SKOR2: variants seen among roughly 807,000 people sequenced by gnomAD.
The protein encoded by SKOR2 is SKI family transcriptional corepressor 2.
SKOR2 carries 47 observed loss-of-function variants against 69.1 expected under a neutral mutation model. The observed-to-expected ratio is 0.68, with a 90% CI of 0.54 to 0.87. SKOR2 has a LOEUF of 0.87. Ranked by LOEUF, SKOR2 falls within the 40% of genes least tolerant of loss-of-function variation. The pLI is 0.00. For missense variants in SKOR2, 1,404 were observed against 1,472.2 expected, an observed-to-expected ratio of 0.95 and a Z score of 0.76; for synonymous variants, 717 against 672.6, an observed-to-expected ratio of 1.07 and a Z score of -1.02.
chr18:47,241,088 TCTC>T (rs1020467957), intron 4 of SKOR2, among the ~76,000 whole-genome samples: 1 of 152,236 alleles, frequency 6.6e-6, no homozygotes, highest in African/African-American at 2.4e-5. Flanking sequence ...AGGTAATCTG[TCTC>T]CTCCTCTTGA....
Position 47,248,922 on chromosome 18 carries a change from C to T in SKOR2, c.262G>A (p.Gly88Ser). 1.9e-6 allele frequency: 3 copies of T among 1,574,306 alleles called. No individual in the cohort carries two copies. The highest frequency in any genetic ancestry group is 2.6e-6 in the Non-Finnish European group (3 of 1,167,558). The change falls in exon 2 of 9, where the codon GGC becomes AGC. Residue 88 changes from glycine to serine, a missense_variant. By Grantham distance (56) the Gly-to-Ser change is moderately conservative. This residue lies in a region of SKOR2 where 34 missense variants were observed against 66.6 expected (regional missense o/e 0.51). Transcript: ENST00000425639. The surrounding 1 kb of genome is among the most constrained non-coding windows in gnomAD (Gnocchi z 6.4). ...GGCGTGCACTGCACACACGTGATGC[C>T]CAGTGCCACGCGACGGTTGTGGATC... ...NEIHNRRVAL[G>S]ITCVQCTPVQ...
At chr18:47,214,502 T>A (rs1393992738) in intron 7 of SKOR2, among the ~76,000 whole-genome samples, 1 of 152,034 alleles carries the variant, frequency 6.6e-6, no homozygotes, top group Non-Finnish European at 1.5e-5. Context: ...CAAAAAGTAA[T>A]GAGCTGAGAA....
intron 8 of SKOR2, among the ~76,000 whole-genome samples, chr18:47,207,668 ACCACT>A (rs937454881): frequency 1.3e-5 from 2 of 152,208 alleles, no homozygotes; most frequent in African/African-American, 4.8e-5. Flanking sequence ...AAATGAATGT[ACCACT>A]CCCCCTCTTT....
At position 47,245,495 on chromosome 18, in the gene SKOR2, T is replaced by TTTTTTTTTTTTTTTTAA; in HGVS notation, c.2677+2_2677+3insTTAAAAAAAAAAAAAAA. The stretch of plus-strand genomic sequence containing the variant: ...GGCAGCTGATTTTTTTTTTTTTTTT[T>TTTTTTTTTTTTTTTTAA]ACCTGAAAAGCTGTTGTCATCCTTT... On this transcript the variant is annotated splice_region_variant and intron_variant, in intron 3 of 8. Transcript: ENST00000425639. 4.8e-6 allele frequency: 7 copies of TTTTTTTTTTTTTTTTAA among 1,470,326 alleles called. No homozygotes were observed. The highest frequency in any genetic ancestry group is 1.5e-5 in the African/African-American group (1 of 67,658). The allele number at this position is 1,470,326 out of a possible 1,614,324, so 91.1% of individuals were successfully genotyped here. A position where few individuals can be genotyped will look rare whatever the true frequency, so the allele number is the denominator to read the frequency against.
At position 47,235,780 on chromosome 18, in the gene SKOR2, C is replaced by CAAAA. The variant is rs11433396; in HGVS notation, c.2753-4784_2753-4781dup. Reference sequence around the variant, plus strand: ...GGACTATATGAACAACACAAACAAGCAAAAAAAAAAAAAAAAAAAAACAGC... The same window carrying CAAAA: ...GGACTATATGAACAACACAAACAAGCAAAAAAAAAAAAAAAAAAAAAAAAACAGC... On this transcript the variant is annotated intron_variant, in intron 4 of 8. Coordinates refer to ENST00000425639, the MANE Select transcript of SKOR2 (RefSeq NM_001278063.4). Among the ~76,000 whole-genome samples the CAAAA allele has an allele frequency of 4.1e-3, 244 of 58,830 alleles. 1 individual carries two copies. The highest frequency in any genetic ancestry group is 5.8e-3 in the Non-Finnish European group (157 of 27,082). 38.6% of individuals were successfully genotyped at this position (58,830 alleles called of 152,430 possible).
In SKOR2 at chr18:47,246,636, C is replaced by T; in HGVS notation, c.2548G>A (p.Gly850Ser). 1 of 1,519,318 alleles carries T rather than the reference C, an allele frequency of 6.6e-7. No individual in the cohort carries two copies. The highest frequency in any genetic ancestry group is 8.8e-7 in the Non-Finnish European group (1 of 1,140,334). The allele number at this position is 1,519,318 out of a possible 1,614,324, so 94.1% of individuals were successfully genotyped here. The change falls in exon 2 of 9, where the codon GGC becomes AGC. Residue 850 changes from glycine (G) to serine (S), a missense_variant. Gly to Ser is a moderately conservative substitution (Grantham distance 56). Around this residue, in one of 3 missense-constraint regions of SKOR2, gnomAD observed 1,266 missense variants for 1,309.9 expected, o/e 0.97. Transcript: ENST00000425639. ...ACTGGGCTGCCCGGGCTGCTGCTGCCGCCGCCACTCGCCTTCTGGGGGGCC... is the reference window on the plus strand; with the variant it reads ...ACTGGGCTGCCCGGGCTGCTGCTGCTGCCGCCACTCGCCTTCTGGGGGGCC... The part of the protein sequence containing the change: ...PLAPQKASGG[G>S]SSSPGSPVHH...
Position 47,248,297 on chromosome 18 carries a change from G to A in SKOR2, c.887C>T (p.Ala296Val). 8.3e-7 allele frequency: 1 copy of A among 1,209,778 alleles called. No homozygotes were observed. Among genetic ancestry groups the A allele is most frequent in the Non-Finnish European group, 1.0e-6 (1 of 976,334 alleles). The allele number at this position is 1,209,778 out of a possible 1,614,324, so 74.9% of individuals were successfully genotyped here. A position where few individuals can be genotyped will look rare whatever the true frequency, so the allele number is the denominator to read the frequency against. Residue 296 changes from alanine (A) to valine (V), a missense_variant, in exon 2 of 9, where the codon GCA becomes GTA. Around this residue, in one of 3 missense-constraint regions of SKOR2, gnomAD observed 1,266 missense variants for 1,309.9 expected, o/e 0.97. Coordinates refer to ENST00000425639, the MANE Select transcript of SKOR2 (RefSeq NM_001278063.4). This position sits in a 1 kb window ranked among gnomAD's most constrained non-coding sequence, Gnocchi z 6.4. ...PPPPPPPPPL[A>V]ELAGAPHAHH... ...GGCGTGCGGGGCACCAGCCAGCTCT[G>A]CCAAGGGCGGCGGTGGCGGCGGCGG...
chr18:47,212,166 C>T lies in SKOR2; in HGVS notation c.2986-15G>A. On this transcript the variant is annotated splice_polypyrimidine_tract_variant and intron_variant, in intron 7 of 8. Transcript: ENST00000425639. Reference sequence around the variant, plus strand: ...GCATAGGGGATCTGTAAGACAAAAACAAGCAACACCATCCAGGTAAGCTAG... The same window carrying T: ...GCATAGGGGATCTGTAAGACAAAAATAAGCAACACCATCCAGGTAAGCTAG... 4 of 1,231,854 alleles carry T rather than the reference C, an allele frequency of 3.2e-6. No homozygotes were observed. The highest frequency in any genetic ancestry group is 4.2e-5 in the Admixed American group (1 of 23,702). The allele number at this position is 1,231,854 out of a possible 1,614,324, so 76.3% of individuals were successfully genotyped here.
intron 4 of SKOR2, among the ~76,000 whole-genome samples, chr18:47,238,727 G>A (rs1043832191): frequency 2.6e-5 from 4 of 152,240 alleles, no homozygotes; most frequent in Non-Finnish European, 5.9e-5. Flanking sequence ...TCGGTCAAGT[G>A]TCCAGATGTT....
In SKOR2 at chr18:47,248,329, G is replaced by A. The variant is rs1450586667; in HGVS notation, c.855C>T (p.Pro285=). 8.3e-7 allele frequency: 1 copy of A among 1,200,704 alleles called. No homozygotes were observed. The highest frequency in any genetic ancestry group is 1.0e-6 in the Non-Finnish European group (1 of 970,380). 74.4% of individuals were successfully genotyped at this position (1,200,704 alleles called of 1,614,324 possible). The change falls in exon 2 of 9, where the codon CCC becomes CCT. Residue 285 remains proline, a synonymous_variant. Transcript: ENST00000425639. This position sits in a 1 kb window ranked among gnomAD's most constrained non-coding sequence, Gnocchi z 6.4. ...GLLGPHLLGA[P]PPPPPPPPPL... Reference sequence around the variant, plus strand: ...GCGGCGGTGGCGGCGGCGGCGGCGGGGGCGCACCCAGCAGGTGGGGGCCCA... The same window carrying A: ...GCGGCGGTGGCGGCGGCGGCGGCGGAGGCGCACCCAGCAGGTGGGGGCCCA...
intron 7 of SKOR2, among the ~76,000 whole-genome samples, chr18:47,213,407 TTA>T (rs879764245): frequency 1.4e-5 from 2 of 147,458 alleles, no homozygotes; most frequent in Non-Finnish European, 1.5e-5. Context: ...CATATAAATA[TTA>T]TATATATATA....
At chr18:47,242,276 T>G (rs2064252583) in intron 4 of SKOR2, among the ~76,000 whole-genome samples, 1 of 152,142 alleles carries the variant, frequency 6.6e-6, no homozygotes, top group Non-Finnish European at 1.5e-5. Context: ...AGACTATTAA[T>G]ATACATGAAA....
chr18:47,246,933 G>T lies in SKOR2; in HGVS notation c.2251C>A (p.Pro751Thr). The stretch of plus-strand genomic sequence containing the variant: ...TCCTCCTCTTCCTCGCCCTCGGGGG[G>T]CTTGTGGCCCTCCACGTCCACCTCC... ...EQEVDVEGHK[P>T]PEGEEEEEGR... is the part of the protein sequence containing the mutation. The change falls in exon 2 of 9, where the codon CCC becomes ACC. Residue 751 changes from proline (P) to threonine (T), a missense_variant. Pro to Thr is a conservative substitution (Grantham distance 38). Around this residue, in one of 3 missense-constraint regions of SKOR2, gnomAD observed 1,266 missense variants for 1,309.9 expected, o/e 0.97. Transcript: ENST00000425639. 1.3e-6 allele frequency: 2 copies of T among 1,496,864 alleles called. No individual in the cohort carries two copies. The highest frequency in any genetic ancestry group is 1.8e-6 in the Non-Finnish European group (2 of 1,129,420). 92.7% of individuals were successfully genotyped at this position (1,496,864 alleles called of 1,614,324 possible).
rs546847291 is a variant in SKOR2, at chr18:47,234,587, G to A, written c.2753-3587C>T. On this transcript the variant is annotated intron_variant, in intron 4 of 8. Coordinates refer to ENST00000425639, the MANE Select transcript of SKOR2 (RefSeq NM_001278063.4). ...TGAAAAAGGGGTTGGTGAGCCAGAT[G>A]TGGTGGCTCATGTGTATAATCCCAG... 6 of 152,322 alleles carry A rather than the reference G, an allele frequency of 3.9e-5. No homozygotes were observed. In the East Asian group the frequency reaches 7.7e-4, roughly 20 times the overall value. 9.4% of individuals were successfully genotyped at this position (152,322 alleles called of 1,614,324 possible).
intron 1 of SKOR2, among the ~76,000 whole-genome samples, chr18:47,251,080 C>T (rs991536375): frequency 8.4e-5 from 12 of 142,268 alleles, no homozygotes; most frequent in Non-Finnish European, 1.7e-4. Context: ...CAGAAACTGC[C>T]GTCAGAGCAG....
In SKOR2 at chr18:47,247,625, G is replaced by A; in HGVS notation, c.1559C>T (p.Ala520Val). The A allele has an allele frequency of 1.5e-6, 2 of 1,329,430 alleles. No individual in the cohort carries two copies. The highest frequency in any genetic ancestry group is 1.9e-6 in the Non-Finnish European group (2 of 1,043,230). 82.4% of individuals were successfully genotyped at this position (1,329,430 alleles called of 1,614,324 possible). The change falls in exon 2 of 9, where the codon GCT (alanine) becomes GTT (valine). Residue 520 changes from alanine (A) to valine (V), a missense_variant. By Grantham distance (64) the Ala-to-Val change is moderately conservative. Transcript: ENST00000425639. This position sits in a 1 kb window ranked among gnomAD's most constrained non-coding sequence, Gnocchi z 6.6. ...CGGGGGCGCGGCCTCGGCGCTCCCA[G>A]CAGCACCGCCTGGCTCAGCCAGGTC... Reference protein sequence around the residue: ...FLDLAEPGGAAGSAEAAPPPG... With the variant: ...FLDLAEPGGAVGSAEAAPPPG...
At chr18:47,236,243 G>A (rs1213205210) in intron 4 of SKOR2, among the ~76,000 whole-genome samples, 2 of 152,046 alleles carry the variant, frequency 1.3e-5, no homozygotes, top group East Asian at 3.9e-4. Flanking sequence ...CATCCATCTC[G>A]CCCTCGCAAA....
chr18:47,227,572 C>T (rs1405441700), intron 6 of SKOR2, among the ~76,000 whole-genome samples: 1 of 152,108 alleles, frequency 6.6e-6, no homozygotes, highest in South Asian at 2.1e-4. Context: ...CTCAAGTGAT[C>T]TGCCTGGCTC....
chr18:47,208,327 C>G (rs2064118782), intron 8 of SKOR2, among the ~76,000 whole-genome samples: 1 of 152,182 alleles, frequency 6.6e-6, no homozygotes, highest in South Asian at 2.1e-4. Context: ...ATCTGCCTTA[C>G]AGCATTGTAA....
Sources: allele counts gnomAD v4.1 joint callset (sites outside exome capture counted in the v4.1 genomes callset), GRCh38; gene constraint gnomAD v4.1.1; regional missense constraint gnomAD v4.1.1; non-coding constraint Gnocchi (gnomAD v3.1); transcripts MANE v1.5; gene names NCBI Gene and HGNC (gene_info 2026-07-23, HGNC 2026-07-21).